Variants in PLA2G5 observed in about 807,000 individuals in gnomAD.
The protein encoded by PLA2G5 is phospholipase A2 group V.
In PLA2G5, 12 loss-of-function variants were observed where a neutral mutation model predicts 15.9. That is an observed-to-expected ratio of 0.76 (90% CI 0.48 to 1.23). The LOEUF is 1.23. PLA2G5 is among the 50% of genes most tolerant of loss of function. PLA2G5 has a pLI of 0.00. For synonymous variants in PLA2G5, 71 were observed against 71.4 expected, an observed-to-expected ratio of 0.99 and a Z score of 0.03; for missense variants, 169 against 177.1, an observed-to-expected ratio of 0.95 and a Z score of 0.26.
chr1:20,056,721 T>C (rs1197532168), intron 1 of PLA2G5, among the ~76,000 whole-genome samples: 1 of 152,224 alleles, frequency 6.6e-6, no homozygotes, highest in Non-Finnish European at 1.5e-5. Flanking sequence ...AGAATAATAC[T>C]GGCCTCCTAG....
At chr1:20,058,873 T>C (rs2014565588) in intron 1 of PLA2G5, among the ~76,000 whole-genome samples, 1 of 152,024 alleles carries the variant, frequency 6.6e-6, no homozygotes, top group Non-Finnish European at 1.5e-5. Flanking sequence ...CTAAACTGAA[T>C]GTTAAAGATG....
intron 1 of PLA2G5, among the ~76,000 whole-genome samples, chr1:20,080,398 A>G (rs1390050205): frequency 1.3e-5 from 2 of 152,146 alleles, no homozygotes. Flanking sequence ...CCTGACCAAC[A>G]TAGTAAAACC....
Position 20,086,215 on chromosome 1 carries a change from A to T in PLA2G5, c.173A>T (p.Asp58Val). The T allele has an allele frequency of 3.1e-6, 5 of 1,614,106 alleles. No homozygotes were observed. Among genetic ancestry groups the T allele is most frequent in the Non-Finnish European group, 4.2e-6 (5 of 1,179,988 alleles). ...CGWGGRGTPK[D>V]GTDWCCWAHD... is the part of the protein sequence containing the mutation. ...TGGGGCGGCCGAGGAACCCCCAAGGATGGCACCGATTGGTGAGCTGATCGC... is the reference window on the plus strand; with the variant it reads ...TGGGGCGGCCGAGGAACCCCCAAGGTTGGCACCGATTGGTGAGCTGATCGC... The change falls in exon 3 of 5, where the codon GAT (aspartate) becomes GTT (valine). Residue 58 changes from aspartate to valine, a missense_variant. Physicochemically the swap from Asp to Val is radical, Grantham distance 152 (BLOSUM62 -3). Coordinates refer to ENST00000375108, the MANE Select transcript of PLA2G5 (RefSeq NM_000929.3).
intron 1 of PLA2G5, among the ~76,000 whole-genome samples, chr1:20,039,643 A>G (rs932974675): frequency 6.6e-6 from 1 of 152,192 alleles, no homozygotes; most frequent in African/African-American, 2.4e-5. Flanking sequence ...TAAATAGGAA[A>G]TATCATTTGA....
At chr1:20,065,743 G>A (rs2014992217), upstream of PLA2G5, among the ~76,000 whole-genome samples, 1 of 152,194 alleles carries the variant, frequency 6.6e-6, no homozygotes, top group Non-Finnish European at 1.5e-5. Context: ...GTAAACATTT[G>A]TGTGCAGGTT....
intron 1 of PLA2G5, among the ~76,000 whole-genome samples, chr1:20,037,221 T>C (rs2013306106): frequency 6.6e-6 from 1 of 152,180 alleles, no homozygotes; most frequent in East Asian, 1.9e-4. Flanking sequence ...AGCGTTGCTG[T>C]TCAGATTCTT....
At chr1:20,065,008 G>T (rs1328446294) in intron 2 of PLA2G5, among the ~76,000 whole-genome samples, 1 of 152,144 alleles carries the variant, frequency 6.6e-6, no homozygotes, top group South Asian at 2.1e-4. Flanking sequence ...ACACAAAATA[G>T]ACCTGAAACA....
intron 1 of PLA2G5, among the ~76,000 whole-genome samples, chr1:20,080,873 T>C (rs1178441048): frequency 1.3e-5 from 2 of 151,888 alleles, no homozygotes; most frequent in African/African-American, 4.9e-5. Context: ...AGAGGGGCTA[T>C]GAGAGGAGAC....
In PLA2G5 at chr1:20,090,833, C is replaced by T. The variant is rs2016534857; in HGVS notation, c.*141C>T. The T allele has an allele frequency of 2.5e-6, 2 of 803,444 alleles. No individual in the cohort carries two copies. The highest frequency in any genetic ancestry group is 4.3e-5 in the Admixed American group (2 of 46,820). The allele number at this position is 803,444 out of a possible 1,614,324, so 49.8% of individuals were successfully genotyped here. On this transcript the variant is annotated 3_prime_UTR_variant, in exon 5 of 5. Transcript: ENST00000375108. ...CTCGAAGCTTGGCGGACCCCCAGGG[C>T]CACACTGTACCCTCCAGCGAGTCCC...
chr1:20,043,757 G>A (rs576386207), intron 1 of PLA2G5, among the ~76,000 whole-genome samples: 1 of 152,320 alleles, frequency 6.6e-6, no homozygotes, highest in Admixed American at 6.5e-5. Context: ...GGATTTTGAA[G>A]CTTGGCCGTC....
chr1:20,090,023 A>G (rs563891787), intron 4 of PLA2G5, 128 bp downstream of exon 4: 5 of 666,824 alleles, frequency 7.5e-6, no homozygotes, highest in South Asian at 5.6e-5. Context: ...GGACGAGAGG[A>G]GCAGGATTAT....
intron 1 of PLA2G5, chr1:20,076,719 C>T (rs1342855334): frequency 3.9e-5 from 6 of 152,268 alleles, no homozygotes; most frequent in East Asian, 1.9e-4. Flanking sequence ...GTTCTTCCCT[C>T]ATTCCTTTCT....
upstream of PLA2G5, among the ~76,000 whole-genome samples, chr1:20,066,450 G>T (rs146516496): frequency 1.3e-4 from 20 of 152,258 alleles, no homozygotes; most frequent in East Asian, 3.9e-3. Flanking sequence ...ACATTCAGTG[G>T]TATCATGTTG....
intron 1 of PLA2G5, among the ~76,000 whole-genome samples, chr1:20,059,188 T>A (rs980243015): frequency 6.6e-6 from 1 of 150,548 alleles, no homozygotes; most frequent in African/African-American, 2.4e-5. Context: ...ATCCCAGCAC[T>A]TTGAGAGACC....
At chr1:20,067,385 TA>T (rs908615719), upstream of PLA2G5, among the ~76,000 whole-genome samples, 3 of 152,004 alleles carry the variant, frequency 2.0e-5, no homozygotes, top group East Asian at 1.9e-4. Flanking sequence ...TATGAAGACT[TA>T]AAAAAAATTA....
chr1:20,067,092 C>T (rs1197898790), upstream of PLA2G5, among the ~76,000 whole-genome samples: 1 of 152,072 alleles, frequency 6.6e-6, no homozygotes, highest in Non-Finnish European at 1.5e-5. Flanking sequence ...GCCTGTGAGG[C>T]TCAAGCGATC....
intron 1 of PLA2G5, among the ~76,000 whole-genome samples, chr1:20,074,210 A>G (rs975990062): frequency 1.3e-5 from 2 of 152,134 alleles, no homozygotes; most frequent in Admixed American, 1.3e-4. Flanking sequence ...TTCAAGAATA[A>G]GTCAATTCGA....
chr1:20,076,754 C>T (rs1194909270), intron 1 of PLA2G5: 1 of 152,236 alleles, frequency 6.6e-6, no homozygotes, highest in African/African-American at 2.4e-5. Flanking sequence ...GTAATCCCCT[C>T]CAACAGGAAA....
intron 1 of PLA2G5, among the ~76,000 whole-genome samples, chr1:20,058,751 G>A (rs1442313898): frequency 6.6e-6 from 1 of 152,172 alleles, no homozygotes; most frequent in Non-Finnish European, 1.5e-5. Context: ...TGACAAGCTG[G>A]TTTATTGATT....
Sources: gnomAD v4.1 joint callset for allele counts (sites outside exome capture counted in the v4.1 genomes callset) on GRCh38, gnomAD v4.1.1 for gene constraint, MANE v1.5 for transcripts, NCBI Gene and HGNC (gene_info 2026-07-23, HGNC 2026-07-21) for gene names.